Variants in AOPEP observed in about 807,000 individuals in gnomAD.
The protein encoded by AOPEP is aminopeptidase O (putative).
Under a neutral mutation model 98.1 loss-of-function variants are expected in AOPEP, and 77 were observed. The observed-to-expected ratio is 0.78, with a 90% CI of 0.65 to 0.95. The LOEUF (loss-of-function observed/expected upper bound fraction) is 0.95. AOPEP is among the 40% of genes least tolerant of loss of function. AOPEP has a pLI of 0.00. For missense variants in AOPEP, 1,024 were observed against 1,024.7 expected (o/e 1.00, Z 0.01); for synonymous variants, 346 against 365.3 (o/e 0.95, Z 0.60).
At chr9:94,929,868 G>A (rs1175385009) in intron 7 of AOPEP, among the ~76,000 whole-genome samples, 1 of 152,218 alleles carries the variant, frequency 6.6e-6, no homozygotes, top group Admixed American at 6.5e-5. Context: ...CTCTGAAAAT[G>A]AGCTGCCTTG....
At chr9:95,002,015 G>C (rs1366265573) in intron 11 of AOPEP, among the ~76,000 whole-genome samples, 3 of 151,352 alleles carry the variant, frequency 2.0e-5, no homozygotes, top group African/African-American at 7.3e-5. Context: ...TTAGGCTCAA[G>C]AGATCCTCCC....
At chr9:94,752,134 C>T (rs1049353671) in intron 1 of AOPEP, among the ~76,000 whole-genome samples, 1 of 152,062 alleles carries the variant, frequency 6.6e-6, no homozygotes, top group Admixed American at 6.6e-5. Context: ...GTGATCCTCC[C>T]GCCTTGGCCT....
chr9:95,105,575 C>T, the AOPEP span, among the ~76,000 whole-genome samples: 1 of 152,098 alleles, frequency 6.6e-6, no homozygotes, highest in African/African-American at 2.4e-5. Context: ...TGGTGGCATG[C>T]AGTATGTTTA....
intron 5 of AOPEP, among the ~76,000 whole-genome samples, chr9:94,914,804 A>G (rs572958015): frequency 6.6e-6 from 1 of 152,334 alleles, no homozygotes; most frequent in South Asian, 2.1e-4. Flanking sequence ...CTTCACAGAA[A>G]TGCAGGTTCC....
At chr9:95,085,554 T>A in intron 16 of AOPEP, 1 of 491,806 alleles carries the variant, frequency 2.0e-6, no homozygotes, top group South Asian at 1.5e-5. Flanking sequence ...ATGGGGACAG[T>A]TAAGTTGGAG....
chr9:94,903,268 G>T (rs2050668738), intron 5 of AOPEP, among the ~76,000 whole-genome samples: 1 of 151,796 alleles, frequency 6.6e-6, no homozygotes. Flanking sequence ...CAGGCATGAG[G>T]CACCATGCCT....
intron 13 of AOPEP, chr9:95,006,064 C>T (rs1160077856): frequency 4.2e-6 from 2 of 472,224 alleles, no homozygotes; most frequent in South Asian, 1.5e-5. Context: ...ACTTTTAAAA[C>T]ACTAGGAGGA....
intron 14 of AOPEP, among the ~76,000 whole-genome samples, chr9:95,073,965 A>G (rs990965007): frequency 1.3e-5 from 2 of 152,264 alleles, no homozygotes; most frequent in Non-Finnish European, 1.5e-5. Context: ...TGTTCTACAT[A>G]TACACATTTG....
At chr9:94,945,391 A>G (rs563376216) in intron 7 of AOPEP, among the ~76,000 whole-genome samples, 1 of 152,186 alleles carries the variant, frequency 6.6e-6, no homozygotes, top group African/African-American at 2.4e-5. Flanking sequence ...GGTCATTTCT[A>G]GTTTTTTGCT....
chr9:95,109,080 C>CTT, the AOPEP span, among the ~76,000 whole-genome samples: 1 of 151,956 alleles, frequency 6.6e-6, no homozygotes. Flanking sequence ...TGGCTAATTT[C>CTT]TTTATTTATT....
In AOPEP at chr9:95,082,620, G is replaced by A. The variant is rs1484962691; in HGVS notation, c.2365G>A (p.Ala789Thr). 6 of 1,614,224 alleles carry A rather than the reference G, an allele frequency of 3.7e-6. No homozygotes were observed. The highest frequency in any genetic ancestry group is 2.2e-5 in the East Asian group (1 of 44,886). ...LYGELMVSED[A>T]RQQQLARRCF... ...CGGGGAGCTGATGGTGAGTGAGGAC[G>A]CCAGACAGCAGCAGCTCGCCCGTAG... Residue 789 changes from alanine (A) to threonine (T), a missense_variant, in exon 16 of 17, where the codon GCC becomes ACC. Around this residue, in one of 3 missense-constraint regions of AOPEP, gnomAD observed 566 missense variants for 551.7 expected, o/e 1.03. Coordinates refer to ENST00000375315, the MANE Select transcript of AOPEP (RefSeq NM_001193329.3).
intron 1 of AOPEP, among the ~76,000 whole-genome samples, chr9:94,754,163 A>G (rs1267485762): frequency 1.3e-5 from 2 of 152,208 alleles, no homozygotes; most frequent in South Asian, 2.1e-4. Flanking sequence ...TTGAACTTCT[A>G]AGTTTCCTTC....
At chr9:94,809,371 T>C (rs1849967221) in intron 5 of AOPEP, among the ~76,000 whole-genome samples, 1 of 152,254 alleles carries the variant, frequency 6.6e-6, no homozygotes, top group Non-Finnish European at 1.5e-5. Context: ...CCCCCAACTG[T>C]TGTGTCGAGG....
intron 11 of AOPEP, among the ~76,000 whole-genome samples, chr9:94,987,895 C>T (rs1488402231): frequency 1.3e-5 from 2 of 152,138 alleles, no homozygotes; most frequent in Non-Finnish European, 2.9e-5. Context: ...TGAGTAGCCA[C>T]TGATGCTTGT....
chr9:94,753,818 A>G (rs972717137), intron 1 of AOPEP, among the ~76,000 whole-genome samples: 1 of 152,260 alleles, frequency 6.6e-6, no homozygotes, highest in Non-Finnish European at 1.5e-5. Flanking sequence ...CAGTATTAAC[A>G]TCAGGCAAAA....
At chr9:94,837,006 A>G (rs1206294750) in intron 5 of AOPEP, among the ~76,000 whole-genome samples, 1 of 152,178 alleles carries the variant, frequency 6.6e-6, no homozygotes, top group African/African-American at 2.4e-5. Flanking sequence ...TTGATAGACC[A>G]TTAGCAAGAT....
At chr9:94,791,797 A>G (rs1356867473) in intron 3 of AOPEP, among the ~76,000 whole-genome samples, 1 of 152,178 alleles carries the variant, frequency 6.6e-6, no homozygotes, top group Non-Finnish European at 1.5e-5. Flanking sequence ...CAAGTTTGTT[A>G]TACAAACTTG....
chr9:94,802,502 G>T (rs1018728634), intron 5 of AOPEP, among the ~76,000 whole-genome samples: 2 of 152,150 alleles, frequency 1.3e-5, no homozygotes, highest in Non-Finnish European at 2.9e-5. Context: ...CTCTTTTCAA[G>T]TTTGCATGCC....
chr9:95,109,375 T>G, the AOPEP span, among the ~76,000 whole-genome samples: 1 of 152,226 alleles, frequency 6.6e-6, no homozygotes, highest in Non-Finnish European at 1.5e-5. Flanking sequence ...AGCCTTTGCA[T>G]GGATCTCTAT....
Sources: allele counts gnomAD v4.1 joint callset (sites outside exome capture counted in the v4.1 genomes callset), GRCh38; gene constraint gnomAD v4.1.1; regional missense constraint gnomAD v4.1.1; transcripts MANE v1.5; gene names NCBI Gene and HGNC (gene_info 2026-07-23, HGNC 2026-07-21).